The following PCNT variants were observed in gnomAD, a reference collection of about 807,000 sequenced individuals.
PCNT encodes the protein kendrin.
Under a neutral mutation model 380.4 loss-of-function variants are expected in PCNT, and 319 were observed. The observed-to-expected ratio is 0.84, with a 90% confidence interval of 0.77 to 0.92. The LOEUF is 0.92. PCNT is among the 40% of genes least tolerant of loss of function. PCNT has a pLI of 0.00. For synonymous variants in PCNT, 1,845 were observed against 1,735.2 expected (o/e 1.06, Z -1.57); for missense variants, 4,400 against 4,255.3 (o/e 1.03, Z -0.95).
intron 41 of PCNT, among the ~76,000 whole-genome samples, chr21:46,439,054 C>G (rs754830155): frequency 2.6e-5 from 4 of 151,838 alleles, no homozygotes; most frequent in Non-Finnish European, 4.4e-5. Flanking sequence ...TGTATTTAGG[C>G]TATTTTGTTT....
At chr21:46,400,789 G>A (rs1260584519) in intron 25 of PCNT, among the ~76,000 whole-genome samples, 2 of 152,176 alleles carry the variant, frequency 1.3e-5, no homozygotes, top group Non-Finnish European at 2.9e-5. Flanking sequence ...CAAAGTGCTG[G>A]TATTACAGGC....
chr21:46,407,340 CTT>C (rs899881614), intron 27 of PCNT, among the ~76,000 whole-genome samples: 25 of 106,418 alleles, frequency 2.3e-4, no homozygotes, highest in African/African-American at 8.2e-4. Context: ...TATACTTTCT[CTT>C]TTTTTTTTTT....
chr21:46,380,129 C>A (rs983614376), intron 15 of PCNT, among the ~76,000 whole-genome samples: 1 of 147,478 alleles, frequency 6.8e-6, no homozygotes, highest in East Asian at 2.0e-4. Flanking sequence ...TGTTTCCAAC[C>A]GGTGCCCTGG....
At chr21:46,392,376 C>A (rs1042509066) in intron 21 of PCNT, among the ~76,000 whole-genome samples, 3 of 152,104 alleles carry the variant, frequency 2.0e-5, no homozygotes, top group Non-Finnish European at 4.4e-5. Context: ...AGCACCACCA[C>A]ACCTGGCTAA....
At chr21:46,429,260 C>T (rs368928131) in intron 35 of PCNT, among the ~76,000 whole-genome samples, 2 of 147,182 alleles carry the variant, frequency 1.4e-5, no homozygotes, top group African/African-American at 2.5e-5. Context: ...GTGGGGCTGG[C>T]GCTGTGCAAG....
intron 27 of PCNT, among the ~76,000 whole-genome samples, chr21:46,409,753 C>T (rs2086726019): frequency 6.6e-6 from 1 of 152,062 alleles, no homozygotes; most frequent in South Asian, 2.1e-4. Context: ...GTGCCCACGC[C>T]CGGCTAATTT....
intron 16 of PCNT, among the ~76,000 whole-genome samples, chr21:46,383,820 G>A (rs1438924832): frequency 3.1e-5 from 4 of 130,108 alleles, no homozygotes; most frequent in East Asian, 2.6e-4. Context: ...ACGGTGTTGT[G>A]CGTTCAGTGG....
chr21:46,341,033 G>T (rs1466586475), intron 3 of PCNT, among the ~76,000 whole-genome samples: 1 of 150,578 alleles, frequency 6.6e-6, no homozygotes, highest in East Asian at 2.0e-4. Flanking sequence ...ACAGACGTGT[G>T]CCACCATATC....
rs1320036425 is a variant in PCNT at position 46,440,311 on chromosome 21, A to T, written c.9393+109A>T. The T allele has an allele frequency of 2.7e-5, 31 of 1,152,564 alleles. 1 individual carries two copies. The Middle Eastern group carries it at 8.1e-4, about 30-fold the overall frequency. 71.4% of individuals were successfully genotyped at this position (1,152,564 alleles called of 1,614,324 possible). A position where few individuals can be genotyped will look rare whatever the true frequency, so the allele number is the denominator to read the frequency against. Reference sequence around the variant, plus strand: ...CACAAGGTTCTCGTCTGCCGGGTGTAGCAGTCACATCACTAAAGGAAAGGA... The same window carrying T: ...CACAAGGTTCTCGTCTGCCGGGTGTTGCAGTCACATCACTAAAGGAAAGGA... On this transcript the variant is annotated intron_variant, in intron 42 of 46. Coordinates refer to ENST00000359568, the MANE Select transcript of PCNT (RefSeq NM_006031.6).
Position 46,381,743 on chromosome 21 carries a change from C to T in PCNT, c.3215C>T (p.Thr1072Ile). Reference sequence around the variant, plus strand: ...ACTGCTTTGCATGAAAAAGAGGAGACACTTCGGCTTCAGAGTGCACAGGCA... The same window carrying T: ...ACTGCTTTGCATGAAAAAGAGGAGATACTTCGGCTTCAGAGTGCACAGGCA... ...KKTALHEKEE[T>I]LRLQSAQAQP... The change falls in exon 16 of 47, where the codon ACA becomes ATA. Residue 1072 changes from threonine (T) to isoleucine (I), a missense_variant. Coordinates refer to ENST00000359568, the MANE Select transcript of PCNT (RefSeq NM_006031.6). 6.2e-7 allele frequency: 1 copy of T among 1,613,996 alleles called. No individual in the cohort carries two copies. Among genetic ancestry groups the T allele is most frequent in the African/African-American group, 1.3e-5 (1 of 75,046 alleles).
intron 8 of PCNT, 145 bp downstream of exon 8, chr21:46,349,965 T>C: frequency 2.4e-6 from 2 of 845,208 alleles, no homozygotes; most frequent in East Asian, 5.4e-5. Context: ...GGTTCACGCC[T>C]GTAACTCTAT....
At chr21:46,334,344 C>T (rs1053376345) in intron 2 of PCNT, 53 bp from the exon 3 acceptor site, 2 of 1,612,880 alleles carry the variant, frequency 1.2e-6, no homozygotes, top group African/African-American at 2.7e-5. Flanking sequence ...GGGCCTGAGG[C>T]TGCAGCCCTA....
At chr21:46,416,011 G>C in intron 29 of PCNT, 58 bp from the exon 30 acceptor site, 1 of 1,569,212 alleles carries the variant, frequency 6.4e-7, no homozygotes, top group Non-Finnish European at 8.8e-7. Flanking sequence ...ACACCAGACA[G>C]GTGCGACTCC....
intron 15 of PCNT, among the ~76,000 whole-genome samples, chr21:46,371,722 C>T (rs758315886): frequency 4.6e-5 from 7 of 152,234 alleles, no homozygotes; most frequent in Admixed American, 1.3e-4. Flanking sequence ...CTTGTGGACC[C>T]GTGCACCTGC....
chr21:46,378,701 T>C (rs1489024975), intron 15 of PCNT, among the ~76,000 whole-genome samples: 6 of 152,320 alleles, frequency 3.9e-5, no homozygotes, highest in Non-Finnish European at 7.4e-5. Context: ...GGGACTGATA[T>C]ATATTGAGTT....
At chr21:46,402,786 G>C (rs957915684) in intron 27 of PCNT, among the ~76,000 whole-genome samples, 3 of 152,270 alleles carry the variant, frequency 2.0e-5, no homozygotes, top group Non-Finnish European at 4.4e-5. Flanking sequence ...TGTGAGAGGC[G>C]TGAAGCTATT....
Position 46,416,438 on chromosome 21 carries a change from A to G in PCNT, c.6520A>G (p.Met2174Val). Residue 2174 changes from methionine to valine, a missense_variant, in exon 30 of 47, where the codon ATG becomes GTG. Coordinates refer to ENST00000359568, the MANE Select transcript of PCNT (RefSeq NM_006031.6). Reference sequence around the variant, plus strand: ...TTGGGATTCCTTGATACCAGATGAAATGCCAGATTCTCCCATTCAAGAAAA... The same window carrying G: ...TTGGGATTCCTTGATACCAGATGAAGTGCCAGATTCTCCCATTCAAGAAAA... Reference protein sequence around the residue: ...KNWDSLIPDEMPDSPIQEKSE... With the variant: ...KNWDSLIPDEVPDSPIQEKSE... 3.1e-6 allele frequency: 5 copies of G among 1,614,210 alleles called. No individual in the cohort carries two copies. The highest frequency in any genetic ancestry group is 3.4e-6 in the Non-Finnish European group (4 of 1,180,038).
chr21:46,346,606 T>C (rs764592448), intron 4 of PCNT, 137 bp from the exon 5 acceptor site: 5 of 1,117,652 alleles, frequency 4.5e-6, no homozygotes, highest in Non-Finnish European at 6.5e-6. Flanking sequence ...CTCTGTGTCC[T>C]GCCCCTGCTT....
chr21:46,389,118 GC>G (rs2085944257), intron 18 of PCNT, 80 bp from the exon 19 acceptor site: 4 of 1,429,896 alleles, frequency 2.8e-6, no homozygotes, highest in Non-Finnish European at 3.9e-6. Flanking sequence ...GAGTTCTGTG[GC>G]TTCCTTGTCG....
Sources: gnomAD v4.1 joint callset for allele counts (sites outside exome capture counted in the v4.1 genomes callset) on GRCh38, gnomAD v4.1.1 for gene constraint, MANE v1.5 for transcripts, NCBI Gene and HGNC (gene_info 2026-07-23, HGNC 2026-07-21) for gene names.